VEGFC: variants seen among roughly 807,000 people sequenced by gnomAD.
VEGFC encodes FLT4 ligand DHM.
A neutral mutation model predicts 46.1 loss-of-function variants in VEGFC; 12 were observed. The ratio of observed to expected loss-of-function variants is 0.26; its 90% CI spans 0.17 to 0.42. The LOEUF is 0.42. Among genes scored for constraint, VEGFC ranks in the 10% least tolerant of loss-of-function variants. The pLI, the probability that VEGFC is intolerant of heterozygous loss-of-function variation, is 1.00. For missense variants in VEGFC, 488 were observed against 529.4 expected (o/e 0.92, Z 0.77); for synonymous variants, 232 against 195.5 (o/e 1.19, Z -1.56).
At chr4:176,711,112 CT>C (rs1560942117) in intron 4 of VEGFC, among the ~76,000 whole-genome samples, 1 of 151,954 alleles carries the variant, frequency 6.6e-6, no homozygotes, top group East Asian at 1.9e-4. Context: ...TTTATATTTA[CT>C]TTTTGTTTTG....
intron 4 of VEGFC, among the ~76,000 whole-genome samples, chr4:176,700,817 T>A (rs1734416654): frequency 6.6e-6 from 1 of 152,178 alleles, no homozygotes; most frequent in African/African-American, 2.4e-5. Context: ...GCCGCTGGTC[T>A]CATTACCTTG....
In VEGFC at chr4:176,713,058, G is replaced by T. The variant is rs541279768; in HGVS notation, c.553-1408C>A. ...GATAACACTTGACTCATTATTCTCA[G>T]ATTATAAAGATTACATAAACTAAAT... On this transcript the variant is annotated intron_variant, in intron 3 of 6. Coordinates refer to ENST00000618562, the MANE Select transcript of VEGFC (RefSeq NM_005429.5). Among the ~76,000 whole-genome samples, 20 of 152,204 alleles carry T rather than the reference G, an allele frequency of 1.3e-4. No homozygotes were observed. In the South Asian group the frequency reaches 3.7e-3, roughly 28 times the overall value.
intron 1 of VEGFC, among the ~76,000 whole-genome samples, chr4:176,767,142 A>AAAAAAC (rs1735641724): frequency 6.7e-6 from 1 of 149,822 alleles, no homozygotes; most frequent in Non-Finnish European, 1.5e-5. Flanking sequence ...AAAAAAAAAA[A>AAAAAAC]AACAACCAAA....
At chr4:176,779,687 T>C (rs1383605607) in intron 1 of VEGFC, among the ~76,000 whole-genome samples, 2 of 151,732 alleles carry the variant, frequency 1.3e-5, no homozygotes, top group African/African-American at 4.8e-5. Flanking sequence ...ATTTTCCTAT[T>C]GCACATAGGA....
chr4:176,755,152 A>T (rs1294813261), intron 1 of VEGFC, among the ~76,000 whole-genome samples: 1 of 152,078 alleles, frequency 6.6e-6, no homozygotes, highest in Non-Finnish European at 1.5e-5. Flanking sequence ...CCATGCATAT[A>T]TGAGTAGTTT....
chr4:176,720,345 A>C (rs1734763134), intron 3 of VEGFC, among the ~76,000 whole-genome samples: 1 of 152,144 alleles, frequency 6.6e-6, no homozygotes, highest in South Asian at 2.1e-4. Flanking sequence ...TTGTACATCA[A>C]ACCTTCTGGT....
At chr4:176,687,136 A>G in intron 6 of VEGFC, 51 bp downstream of exon 6, 1 of 1,549,078 alleles carries the variant, frequency 6.5e-7, no homozygotes, top group Non-Finnish European at 8.7e-7. Context: ...CTTTTGGTTT[A>G]GAGCATATTT....
intron 4 of VEGFC, among the ~76,000 whole-genome samples, chr4:176,692,684 A>G (rs1480332847): frequency 5.4e-5 from 8 of 148,716 alleles, no homozygotes; most frequent in African/African-American, 2.1e-4. Flanking sequence ...GGGCACAGAC[A>G]AACAAAAAGA....
At chr4:176,689,722 T>C (rs1439747001) in intron 4 of VEGFC, 2 of 152,214 alleles carry the variant, frequency 1.3e-5, no homozygotes, top group Non-Finnish European at 1.5e-5. Flanking sequence ...TTTTAACTTT[T>C]TGATTGCTGT....
intron 4 of VEGFC, among the ~76,000 whole-genome samples, chr4:176,709,751 A>G (rs1734590343): frequency 1.3e-5 from 2 of 152,216 alleles, no homozygotes; most frequent in African/African-American, 4.8e-5. Flanking sequence ...AGCAACTGAA[A>G]GTCACTGTTT....
At chr4:176,693,790 C>A (rs1734255585) in intron 4 of VEGFC, among the ~76,000 whole-genome samples, 2 of 141,342 alleles carry the variant, frequency 1.4e-5, no homozygotes, top group South Asian at 2.1e-4. Flanking sequence ...CGGCAGAAAC[C>A]CTACAAGCCA....
At chr4:176,686,439 C>CTTT (rs1292896754) in intron 6 of VEGFC, among the ~76,000 whole-genome samples, 26 of 152,056 alleles carry the variant, frequency 1.7e-4, no homozygotes, top group Admixed American at 2.6e-4. Flanking sequence ...AATTTGGGAA[C>CTTT]TTTTATAAAC....
chr4:176,728,618 A>T (rs1035264235), intron 2 of VEGFC, among the ~76,000 whole-genome samples: 1 of 152,184 alleles, frequency 6.6e-6, no homozygotes, highest in African/African-American at 2.4e-5. Context: ...ATGAGTTAGT[A>T]GCTTACCTAT....
At chr4:176,780,884 C>A (rs992582130) in intron 1 of VEGFC, among the ~76,000 whole-genome samples, 12 of 152,106 alleles carry the variant, frequency 7.9e-5, no homozygotes, top group Admixed American at 7.9e-4. Flanking sequence ...TATTTTCAAT[C>A]TTTAATTTAC....
chr4:176,784,513 C>T (rs754698447), intron 1 of VEGFC, among the ~76,000 whole-genome samples: 31 of 151,196 alleles, frequency 2.1e-4, no homozygotes, highest in Non-Finnish European at 3.1e-4. Flanking sequence ...TTTGGGAGGC[C>T]GAGGCGGGCA....
chr4:176,686,540 G>A (rs2110961898), intron 6 of VEGFC, among the ~76,000 whole-genome samples: 1 of 152,308 alleles, frequency 6.6e-6, no homozygotes, highest in South Asian at 2.1e-4. Context: ...TGGAGAAAAT[G>A]TCAAACGGAC....
At chr4:176,761,773 C>T (rs1200378520) in intron 1 of VEGFC, among the ~76,000 whole-genome samples, 1 of 151,912 alleles carries the variant, frequency 6.6e-6, no homozygotes, top group Non-Finnish European at 1.5e-5. Context: ...TTATAGGACA[C>T]AGAAATAATA....
intron 3 of VEGFC, among the ~76,000 whole-genome samples, chr4:176,715,765 AT>A (rs1734689464): frequency 6.6e-6 from 1 of 152,198 alleles, no homozygotes; most frequent in African/African-American, 2.4e-5. Context: ...GAAAATATAC[AT>A]TTTTTGAACT....
rs572689824 is a variant in VEGFC at position 176,687,739 on chromosome 4, A to AT, written c.811+81dup. On this transcript the variant is annotated intron_variant, in intron 5 of 6. Coordinates refer to ENST00000618562, the MANE Select transcript of VEGFC (RefSeq NM_005429.5). The stretch of plus-strand genomic sequence containing the variant: ...CTTATTTAGAAGAATGATGAATATT[A>AT]TATGTGTGGTTTTAATATTAGAGTA... 1.8e-3 allele frequency: 1,952 copies of AT among 1,097,404 alleles called. 3 individuals are homozygous for AT. Among genetic ancestry groups the AT allele is most frequent in the Non-Finnish European group, 2.4e-3 (1,798 of 754,936 alleles). 68.0% of individuals were successfully genotyped at this position (1,097,404 alleles called of 1,614,324 possible). A position where few individuals can be genotyped will look rare whatever the true frequency, so the allele number is the denominator to read the frequency against.
Sources: allele counts gnomAD v4.1 joint callset (sites outside exome capture counted in the v4.1 genomes callset), GRCh38; gene constraint gnomAD v4.1.1; transcripts MANE v1.5; gene names NCBI Gene and HGNC (gene_info 2026-07-23, HGNC 2026-07-21).